Variants in CHST9 observed in about 807,000 individuals in gnomAD.
The protein encoded by CHST9 is GalNAc-4-sulfotransferase 2.
Under a neutral mutation model 44.4 loss-of-function variants are expected in CHST9, and 41 were observed. The observed-to-expected ratio is 0.92, with a 90% CI of 0.72 to 1.20. The LOEUF is 1.20. Among genes scored for constraint, CHST9 ranks in the 50% most tolerant of loss-of-function variants. The probability of loss-of-function intolerance (pLI) is 0.00; values close to 1 mark genes in which losing one functional copy is unlikely to be tolerated. For synonymous variants in CHST9, 171 were observed against 178.4 expected (o/e 0.96, Z 0.33); for missense variants, 504 against 516.5 (o/e 0.98, Z 0.23).
intron 5 of CHST9, among the ~76,000 whole-genome samples, chr18:26,923,064 C>T (rs2055693018): frequency 6.6e-6 from 1 of 152,228 alleles, no homozygotes; most frequent in South Asian, 2.1e-4. Flanking sequence ...TCCTATACAT[C>T]AGGTTCTGTG....
At chr18:26,925,465 G>C (rs1012237411) in intron 5 of CHST9, among the ~76,000 whole-genome samples, 10 of 152,180 alleles carry the variant, frequency 6.6e-5, no homozygotes, top group Admixed American at 2.6e-4. Context: ...CTCTGTCTTA[G>C]TCATGCCTGG....
chr18:27,123,808 C>T (rs1394131804), intron 2 of CHST9, among the ~76,000 whole-genome samples: 1 of 152,162 alleles, frequency 6.6e-6, no homozygotes, highest in Admixed American at 6.5e-5. Flanking sequence ...ACCACCACCA[C>T]CACAGCAAAC....
At chr18:27,163,591 G>T (rs965137166) in intron 1 of CHST9, among the ~76,000 whole-genome samples, 5 of 152,180 alleles carry the variant, frequency 3.3e-5, no homozygotes, top group African/African-American at 1.2e-4. Context: ...GCGAGGCTCC[G>T]TGGGCGTAGG....
chr18:27,083,074 C>T (rs985471944), intron 2 of CHST9, among the ~76,000 whole-genome samples: 6 of 151,710 alleles, frequency 4.0e-5, no homozygotes, highest in African/African-American at 1.5e-4. Context: ...AAGAGATAGC[C>T]GTAAGGAAAG....
At chr18:26,965,917 A>T (rs1257210912) in intron 4 of CHST9, among the ~76,000 whole-genome samples, 1 of 152,202 alleles carries the variant, frequency 6.6e-6, no homozygotes, top group Non-Finnish European at 1.5e-5. Flanking sequence ...GAAACAAAAA[A>T]ACCCTTTGGA....
intron 2 of CHST9, among the ~76,000 whole-genome samples, chr18:27,087,044 G>A (rs528076983): frequency 8.5e-5 from 13 of 152,296 alleles, no homozygotes; most frequent in African/African-American, 3.1e-4. Flanking sequence ...GAATTGAAGT[G>A]TGTGTTATAC....
chr18:27,091,925 T>G (rs1047954424), intron 2 of CHST9, among the ~76,000 whole-genome samples: 1 of 152,240 alleles, frequency 6.6e-6, no homozygotes, highest in African/African-American at 2.4e-5. Flanking sequence ...GTTGTGTCTC[T>G]GCCAGGCTTT....
rs112407999 is a variant in CHST9 at position 27,049,398 on chromosome 18, A to C, written c.122-895T>G. Among the ~76,000 whole-genome samples, 1,228 of 152,298 alleles carry C rather than the reference A, an allele frequency of 8.1e-3. 21 individuals are homozygous for C. Among genetic ancestry groups the C allele is most frequent in the African/African-American group, 0.028 (1,181 of 41,568 alleles). On this transcript the variant is annotated intron_variant, in intron 2 of 5. Transcript: ENST00000618847. ...CTGGGAATAACAAGTTCAGTGTTAG[A>C]CCTACTGACTTTGAAGTACTATGGG...
intron 1 of CHST9, among the ~76,000 whole-genome samples, chr18:27,148,844 C>A (rs1385734177): frequency 2.9e-5 from 4 of 139,492 alleles, no homozygotes. Flanking sequence ...CTGACTTCCA[C>A]AATGGTTGAA....
At chr18:27,125,905 G>A (rs1454456362) in intron 2 of CHST9, among the ~76,000 whole-genome samples, 2 of 152,188 alleles carry the variant, frequency 1.3e-5, no homozygotes, top group East Asian at 3.8e-4. Context: ...CAAAGGAAGT[G>A]TAAAAGGGTA....
chr18:26,939,047 A>G (rs188142241), intron 5 of CHST9, among the ~76,000 whole-genome samples: 1 of 152,340 alleles, frequency 6.6e-6, no homozygotes, highest in African/African-American at 2.4e-5. Flanking sequence ...GCAAGGCCCA[A>G]CGTTGGACAT....
intron 4 of CHST9, among the ~76,000 whole-genome samples, chr18:26,946,696 T>C (rs2056168293): frequency 6.6e-6 from 1 of 152,202 alleles, no homozygotes; most frequent in African/African-American, 2.4e-5. Context: ...AATTTTTGTA[T>C]AAGGTGTAAG....
At chr18:27,012,182 C>T (rs1785519) in intron 4 of CHST9, among the ~76,000 whole-genome samples, 56,006 of 151,954 alleles carry the variant, frequency 0.37, 11,196 homozygotes, top group East Asian at 0.47. Flanking sequence ...TTGAACAATA[C>T]AGGGTTTAGG....
intron 4 of CHST9, among the ~76,000 whole-genome samples, chr18:26,996,263 A>AT (rs980445727): frequency 2.0e-5 from 3 of 152,050 alleles, no homozygotes; most frequent in East Asian, 1.9e-4. Context: ...AGTCAGCAAC[A>AT]TTTTTTTTAA....
chr18:26,966,221 T>C (rs2056462265), intron 4 of CHST9, among the ~76,000 whole-genome samples: 1 of 152,210 alleles, frequency 6.6e-6, no homozygotes, highest in Non-Finnish European at 1.5e-5. Flanking sequence ...TGGGACACTA[T>C]AAAACTATGC....
At chr18:27,182,680 A>G (rs2058922084) in intron 1 of CHST9, among the ~76,000 whole-genome samples, 1 of 152,210 alleles carries the variant, frequency 6.6e-6, no homozygotes, top group African/African-American at 2.4e-5. Flanking sequence ...AGGGAACTGA[A>G]TATCTCAAAT....
chr18:26,959,794 A>T (rs913773800), intron 4 of CHST9, among the ~76,000 whole-genome samples: 2 of 152,220 alleles, frequency 1.3e-5, no homozygotes, highest in African/African-American at 4.8e-5. Context: ...ATATTTGTTG[A>T]GGGAGTCCTT....
Position 26,917,024 on chromosome 18 carries a change from G to A in CHST9, c.567C>T (p.Tyr189=), listed in dbSNP as rs764768308. The change falls in exon 6 of 6, where the codon TAC becomes TAT. Residue 189 remains tyrosine (Y), a synonymous_variant. Coordinates refer to ENST00000618847, the MANE Select transcript of CHST9 (RefSeq NM_031422.6). The stretch of plus-strand genomic sequence containing the variant: ...GTGACTGATGATGACTCACCCCACC[G>A]TATTTCTTGCAAAACTCCTGAAGGA... The part of the protein sequence containing the change: ...RSFLQEFCKK[Y]GGVSHHQSHL... 45 of 1,613,724 alleles carry A rather than the reference G, an allele frequency of 2.8e-5. 1 individual carries two copies. Among genetic ancestry groups the A allele is most frequent in the South Asian group, 1.3e-4 (12 of 91,076 alleles).
chr18:26,941,762 A>C (rs1467866446), intron 5 of CHST9, among the ~76,000 whole-genome samples: 2 of 152,222 alleles, frequency 1.3e-5, no homozygotes, highest in Admixed American at 6.5e-5. Flanking sequence ...AAAGCATACT[A>C]ATTTCCCCAG....
Sources: allele counts gnomAD v4.1 joint callset (sites outside exome capture counted in the v4.1 genomes callset), GRCh38; gene constraint gnomAD v4.1.1; transcripts MANE v1.5; gene names NCBI Gene and HGNC (gene_info 2026-07-23, HGNC 2026-07-21).